SDK2: variants seen among roughly 807,000 people sequenced by gnomAD.
SDK2 encodes the protein sidekick cell adhesion molecule 2.
In SDK2, 105 loss-of-function variants were observed where a neutral mutation model predicts 253.9. The ratio of observed to expected loss-of-function variants is 0.41; its 90% CI spans 0.35 to 0.49. The LOEUF (loss-of-function observed/expected upper bound fraction) is 0.49, where lower values mean the gene tolerates loss of function less well. Among genes scored for constraint, SDK2 ranks in the 20% least tolerant of loss-of-function variants. The pLI is 0.06. For missense variants in SDK2, 2,608 were observed against 3,003.0 expected (o/e 0.87, Z 3.07); for synonymous variants, 1,249 against 1,234.9 (o/e 1.01, Z -0.24).
rs541285534 is a variant in SDK2, at chr17:73,541,442, C to T, written c.65-33845G>A. Among the ~76,000 whole-genome samples, 11 of 152,178 alleles carry T rather than the reference C, an allele frequency of 7.2e-5. No individual in the cohort carries two copies. The highest frequency in any genetic ancestry group is 1.2e-4 in the Non-Finnish European group (8 of 68,000). ...GCACATGGGCGCCTTGCTGGGTGCT[C>T]CATCCCATCCCCTCTCAACATCCTC... On this transcript the variant is annotated intron_variant, in intron 1 of 44. Coordinates refer to ENST00000392650, the MANE Select transcript of SDK2 (RefSeq NM_001144952.2). This position sits in a 1 kb window ranked among gnomAD's most constrained non-coding sequence, Gnocchi z 4.3.
Position 73,412,169 on chromosome 17 carries a change from C to CATACACACATAT in SDK2, c.2484+2474_2484+2475insATATGTGTGTAT, listed in dbSNP as rs1568389711. The stretch of plus-strand genomic sequence containing the variant: ...GTATATATACGTATATATGTATATA[C>CATACACACATAT]ACATATATGTATATGCACATACACA... On this transcript the variant is annotated intron_variant, in intron 18 of 44. Transcript: ENST00000392650. Among the ~76,000 whole-genome samples the CATACACACATAT allele has an allele frequency of 1.5e-3, 189 of 128,420 alleles. 1 individual carries two copies. The highest frequency in any genetic ancestry group is 5.2e-3 in the African/African-American group (175 of 33,494). The allele number at this position is 128,420 out of a possible 152,430, so 84.2% of individuals were successfully genotyped here. A position where few individuals can be genotyped will look rare whatever the true frequency, so the allele number is the denominator to read the frequency against.
intron 16 of SDK2, among the ~76,000 whole-genome samples, chr17:73,417,354 T>G (rs2063190985): frequency 6.7e-6 from 1 of 149,360 alleles, no homozygotes; most frequent in African/African-American, 2.5e-5. Flanking sequence ...TGCAGTGAGC[T>G]GAGAGTACGC....
Position 73,469,737 on chromosome 17 carries a change from G to A in SDK2, c.331+2375C>T, listed in dbSNP as rs571996485. On this transcript the variant is annotated intron_variant, in intron 3 of 44. Transcript: ENST00000392650. ...CTAAGGAGGGGGATCAAGGAGCTGAGTCTGGGCTCAGGGATTCCTATCACA... is the reference window on the plus strand; with the variant it reads ...CTAAGGAGGGGGATCAAGGAGCTGAATCTGGGCTCAGGGATTCCTATCACA... 1.4e-4 allele frequency among the ~76,000 whole-genome samples: 22 copies of A among 152,278 alleles called. No homozygotes were observed. The South Asian group carries it at 4.4e-3, about 30-fold the overall frequency.
chr17:73,351,519 C>T (rs1463399007), intron 41 of SDK2, among the ~76,000 whole-genome samples: 1 of 151,898 alleles, frequency 6.6e-6, no homozygotes, highest in Non-Finnish European at 1.5e-5. Context: ...GAGAGCTTTT[C>T]CTGAGGTTTA....
At chr17:73,398,268 A>T (rs965975602) in intron 23 of SDK2, 52 bp downstream of exon 23, 1 of 1,599,226 alleles carries the variant, frequency 6.3e-7, no homozygotes, top group Non-Finnish European at 8.6e-7. Flanking sequence ...CATAGCCCCC[A>T]CCCACCCCCA....
intron 28 of SDK2, 95 bp from the exon 29 acceptor site, chr17:73,390,576 C>T: frequency 6.4e-6 from 8 of 1,256,996 alleles, no homozygotes; most frequent in Non-Finnish European, 8.8e-6. Flanking sequence ...ACAGCTGTGT[C>T]TGTACATGGC....
At chr17:73,574,375 A>G (rs2045428353) in intron 1 of SDK2, among the ~76,000 whole-genome samples, 1 of 152,216 alleles carries the variant, frequency 6.6e-6, no homozygotes, top group Admixed American at 6.5e-5. Context: ...TGTTTATAAA[A>G]GAACATCAGA....
intron 24 of SDK2, 67 bp downstream of exon 24, chr17:73,397,968 A>G (rs919121021): frequency 1.8e-5 from 27 of 1,542,380 alleles, no homozygotes; most frequent in Non-Finnish European, 2.3e-5. Flanking sequence ...TCTGATGTGC[A>G]CCTTCTAGGA....
chr17:73,556,714 G>C (rs1489253613), intron 1 of SDK2, among the ~76,000 whole-genome samples: 1 of 152,234 alleles, frequency 6.6e-6, no homozygotes, highest in African/African-American at 2.4e-5. Context: ...TAATAACTCA[G>C]CTTGCCTGGG....
chr17:73,559,280 C>T (rs1421285974), intron 1 of SDK2, among the ~76,000 whole-genome samples: 1 of 152,158 alleles, frequency 6.6e-6, no homozygotes, highest in Non-Finnish European at 1.5e-5. Context: ...CCTCTCTGAG[C>T]CTTGGGTTTC....
At chr17:73,530,110 C>T (rs1352143723) in intron 1 of SDK2, among the ~76,000 whole-genome samples, 1 of 152,160 alleles carries the variant, frequency 6.6e-6, no homozygotes, top group African/African-American at 2.4e-5. Flanking sequence ...CTTCTTTATG[C>T]TTTGCTCTAG....
intron 15 of SDK2, among the ~76,000 whole-genome samples, chr17:73,420,883 C>G (rs1188974375): frequency 6.6e-6 from 1 of 152,094 alleles, no homozygotes; most frequent in Non-Finnish European, 1.5e-5. Context: ...ACCATGTTGG[C>G]CAGGCTGGTC....
Position 73,447,625 on chromosome 17 carries a change from G to A in SDK2, c.603C>T (p.Leu201=). Residue 201 remains leucine (L), a synonymous_variant, in exon 5 of 45, where the codon CTC becomes CTT. Transcript: ENST00000392650. The surrounding 1 kb of genome is among the most constrained non-coding windows in gnomAD (Gnocchi z 4.0). ...GDNKTSQPIT[L]TVENVGGPAD... The stretch of plus-strand genomic sequence containing the variant: ...CCTGTGCGTACTTACTCTCCACGGT[G>A]AGCGTGATGGGCTGGCTGGTCTTGT... 1 of 1,551,978 alleles carries A rather than the reference G, an allele frequency of 6.4e-7. No homozygotes were observed. Among genetic ancestry groups the A allele is most frequent in the Non-Finnish European group, 8.7e-7 (1 of 1,147,062 alleles).
In SDK2 at chr17:73,447,981, C is replaced by T. The variant is rs759397987; in HGVS notation, c.480-233G>A. On this transcript the variant is annotated intron_variant, in intron 4 of 44. Coordinates refer to ENST00000392650, the MANE Select transcript of SDK2 (RefSeq NM_001144952.2). This position sits in a 1 kb window ranked among gnomAD's most constrained non-coding sequence, Gnocchi z 4.0. ...CTGTCAACCAGACCCAGAGACAGCA[C>T]GTTCATGCCCAGACGCCGAGGCCAC... Among the ~76,000 whole-genome samples the T allele has an allele frequency of 6.6e-6, 1 of 152,068 alleles. No homozygotes were observed. Among genetic ancestry groups the T allele is most frequent in the Non-Finnish European group, 1.5e-5 (1 of 68,040 alleles).
chr17:73,486,796 G>T (rs1183672398), intron 2 of SDK2, among the ~76,000 whole-genome samples: 2 of 152,014 alleles, frequency 1.3e-5, no homozygotes, highest in Non-Finnish European at 2.9e-5. Flanking sequence ...TCCTTACAAT[G>T]CTCCTACTTC....
At chr17:73,538,447 T>A (rs1426296319) in intron 1 of SDK2, among the ~76,000 whole-genome samples, 1 of 152,256 alleles carries the variant, frequency 6.6e-6, no homozygotes, top group Non-Finnish European at 1.5e-5. Flanking sequence ...CACCATGTGA[T>A]GCTGGGGCCT....
intron 1 of SDK2, among the ~76,000 whole-genome samples, chr17:73,599,374 A>G (rs1416379203): frequency 2.0e-5 from 3 of 152,114 alleles, no homozygotes; most frequent in Non-Finnish European, 4.4e-5. Context: ...TCTACCAAAA[A>G]TACAAAAATT....
intron 1 of SDK2, among the ~76,000 whole-genome samples, chr17:73,563,670 G>C (rs896724233): frequency 2.0e-5 from 3 of 152,208 alleles, no homozygotes; most frequent in African/African-American, 7.2e-5. Flanking sequence ...TAGTACAACA[G>C]TGCTCTGAAA....
At chr17:73,486,610 T>TAAA (rs34896987) in intron 2 of SDK2, among the ~76,000 whole-genome samples, 9 of 96,420 alleles carry the variant, frequency 9.3e-5, no homozygotes, top group Admixed American at 2.4e-4. Context: ...ACTCTGCTTC[T>TAAA]AAAAAAAAAA....
Sources: allele counts gnomAD v4.1 joint callset (sites outside exome capture counted in the v4.1 genomes callset), GRCh38; gene constraint gnomAD v4.1.1; non-coding constraint Gnocchi (gnomAD v3.1); transcripts MANE v1.5; gene names NCBI Gene and HGNC (gene_info 2026-07-23, HGNC 2026-07-21).